EXO1: variants seen among roughly 807,000 people sequenced by gnomAD.
The protein encoded by EXO1 is exonuclease 1.
In EXO1, 69 loss-of-function variants were observed where a neutral mutation model predicts 84.5. The ratio of observed to expected loss-of-function variants is 0.82; its 90% CI spans 0.67 to 1.00. EXO1 has a LOEUF of 1.00. EXO1 is among the 50% of genes least tolerant of loss of function. EXO1 has a pLI of 0.00. For synonymous variants in EXO1, 373 were observed against 366.1 expected, an observed-to-expected ratio of 1.02 and a Z score of -0.21; for missense variants, 1,045 against 1,000.7, an observed-to-expected ratio of 1.04 and a Z score of -0.60.
At chr1:241,877,771 T>C (rs1331811945) in intron 12 of EXO1, among the ~76,000 whole-genome samples, 1 of 151,516 alleles carries the variant, frequency 6.6e-6, no homozygotes, top group Non-Finnish European at 1.5e-5. Flanking sequence ...TTTAGTAATA[T>C]GGAATTTATG....
intron 6 of EXO1, among the ~76,000 whole-genome samples, chr1:241,855,658 G>T (rs989773164): frequency 4.6e-5 from 7 of 152,230 alleles, no homozygotes; most frequent in South Asian, 4.1e-4. Context: ...AGGCTCGGGC[G>T]GCACAGGAGC....
chr1:241,859,349 C>T (rs1054248266), intron 8 of EXO1, among the ~76,000 whole-genome samples: 6 of 152,150 alleles, frequency 3.9e-5, no homozygotes, highest in Non-Finnish European at 8.8e-5. Flanking sequence ...CATCCCTAAT[C>T]CAAAAATCTG....
At chr1:241,873,871 C>T (rs1447745570) in intron 12 of EXO1, among the ~76,000 whole-genome samples, 1 of 152,042 alleles carries the variant, frequency 6.6e-6, no homozygotes, top group African/African-American at 2.4e-5. Flanking sequence ...AGGCAAAGAC[C>T]GGCACCAAGT....
chr1:241,860,260 G>A (rs1661304849), intron 8 of EXO1, among the ~76,000 whole-genome samples: 1 of 150,934 alleles, frequency 6.6e-6, no homozygotes, highest in Non-Finnish European at 1.5e-5. Flanking sequence ...ACACCTAGAA[G>A]CACAAACTTG....
At chr1:241,853,943 C>G (rs1407984893) in intron 6 of EXO1, among the ~76,000 whole-genome samples, 1 of 152,122 alleles carries the variant, frequency 6.6e-6, no homozygotes, top group African/African-American at 2.4e-5. Flanking sequence ...TTACTGTAAC[C>G]GGCACTCTTG....
chr1:241,854,130 G>T (rs933825620), intron 6 of EXO1, among the ~76,000 whole-genome samples: 1 of 151,980 alleles, frequency 6.6e-6, no homozygotes, highest in African/African-American at 2.4e-5. Context: ...AGGTGTTGTG[G>T]TTTTTTTGTT....
At position 241,860,570 on chromosome 1, in the gene EXO1, T is replaced by C. The variant is rs776390406; in HGVS notation, c.810T>C (p.Asp270=). 7 of 1,613,970 alleles carry C rather than the reference T, an allele frequency of 4.3e-6. No homozygotes were observed. The change falls in exon 9 of 16, where the codon GAT becomes GAC. Residue 270 remains aspartate, a synonymous_variant. Coordinates refer to ENST00000366548, the MANE Select transcript of EXO1 (RefSeq NM_130398.4). ...YLKMNITVPE[D]YINGFIRANN... is the part of the protein sequence containing the mutation. ...AGATGAATATCACGGTACCAGAGGA[T>C]TACATCAACGGGTTTATTCGGGCCA...
intron 6 of EXO1, among the ~76,000 whole-genome samples, chr1:241,856,979 G>T (rs528971190): frequency 2.2e-4 from 34 of 152,334 alleles, no homozygotes; most frequent in South Asian, 1.9e-3. Flanking sequence ...GGTCGAAGCT[G>T]CAGTGTGCCC....
chr1:241,888,261 TGTAAA>T (rs1001661832), intron 15 of EXO1, among the ~76,000 whole-genome samples: 10 of 152,106 alleles, frequency 6.6e-5, no homozygotes, highest in African/African-American at 2.4e-4. Context: ...TAAAAAAAAA[TGTAAA>T]GTATACCAAA....
At chr1:241,861,342 C>G (rs1315095613) in intron 9 of EXO1, 64 bp from the exon 10 acceptor site, 5 of 851,942 alleles carry the variant, frequency 5.9e-6, no homozygotes. Context: ...ATTTTTCCAT[C>G]TTAGTATAAT....
Position 241,875,694 on chromosome 1 carries a change from T to C in EXO1, c.1515-3055T>C, listed in dbSNP as rs377112920. Among the ~76,000 whole-genome samples the C allele has an allele frequency of 1.3e-3, 195 of 152,174 alleles. 1 individual carries two copies. The highest frequency in any genetic ancestry group is 0.01 in the Middle Eastern group (3 of 292). On this transcript the variant is annotated intron_variant, in intron 12 of 15. Coordinates refer to ENST00000366548, the MANE Select transcript of EXO1 (RefSeq NM_130398.4). ...GAGATCGAGACCATCCTGGCTAACA[T>C]GGTGAAACCCCATCTCTACTAAAAG...
Position 241,884,663 on chromosome 1 carries a change from GTGTGTGTGTGT to G in EXO1, c.2212-650_2212-640del, listed in dbSNP as rs1478442656. ...CTATGCTGCCTGTGTGTGTGTGTGTGTGTGTGTGTGTGTGCACGTGCACGTAAGTCAGTGGA... is the reference window on the plus strand; with the variant it reads ...CTATGCTGCCTGTGTGTGTGTGTGTGGTGCACGTGCACGTAAGTCAGTGGA... On this transcript the variant is annotated intron_variant, in intron 14 of 15. Coordinates refer to ENST00000366548, the MANE Select transcript of EXO1 (RefSeq NM_130398.4). 9.3e-4 allele frequency among the ~76,000 whole-genome samples: 13 copies of G among 14,030 alleles called. No individual in the cohort carries two copies. In the Admixed American group the frequency reaches 0.01, roughly 11 times the overall value. 9.2% of individuals were successfully genotyped at this position (14,030 alleles called of 152,430 possible). A position where few individuals can be genotyped will look rare whatever the true frequency, so the allele number is the denominator to read the frequency against.
At chr1:241,851,907 G>C (rs2148383530) in intron 4 of EXO1, among the ~76,000 whole-genome samples, 1 of 152,258 alleles carries the variant, frequency 6.6e-6, no homozygotes, top group African/African-American at 2.4e-5. Flanking sequence ...TGGTGTCGTT[G>C]GAAGAATCCA....
intron 10 of EXO1, among the ~76,000 whole-genome samples, chr1:241,862,362 C>T (rs769458686): frequency 6.6e-6 from 1 of 152,124 alleles, no homozygotes; most frequent in Non-Finnish European, 1.5e-5. Context: ...TACATTTCTT[C>T]CTTAGGTAAG....
intron 14 of EXO1, among the ~76,000 whole-genome samples, chr1:241,884,290 G>A (rs1164607341): frequency 6.6e-6 from 1 of 152,030 alleles, no homozygotes; most frequent in Non-Finnish European, 1.5e-5. Flanking sequence ...TCTTTACTGT[G>A]TGAACCTTTA....
intron 15 of EXO1, among the ~76,000 whole-genome samples, chr1:241,886,491 T>C (rs1405341532): frequency 6.6e-6 from 1 of 152,220 alleles, no homozygotes; most frequent in East Asian, 1.9e-4. Flanking sequence ...AATATTGTCA[T>C]AGATGAGGCG....
In EXO1 at chr1:241,889,595, C is replaced by A. The variant is rs766853371; in HGVS notation, c.2536C>A (p.Gln846Lys). Residue 846 changes from glutamine (Q) to lysine (K), a missense_variant, in exon 16 of 16, where the codon CAG becomes AAG. Transcript: ENST00000366548. Reference protein sequence around the residue: ...ECGRVQRAIFQ With the variant: ...ECGRVQRAIFK Reference sequence around the variant, plus strand: ...TGGCCGTGTTCAAAGAGCAATATTCCAGTAAATGCAGACTGCTGCAAAGCT... The same window carrying A: ...TGGCCGTGTTCAAAGAGCAATATTCAAGTAAATGCAGACTGCTGCAAAGCT... 30 of 1,613,950 alleles carry A rather than the reference C, an allele frequency of 1.9e-5. No individual in the cohort carries two copies. The highest frequency in any genetic ancestry group is 2.5e-5 in the Non-Finnish European group (30 of 1,179,910).
chr1:241,885,547 G>C, intron 15 of EXO1, 40 bp downstream of exon 15: 1 of 1,441,360 alleles, frequency 6.9e-7, no homozygotes, highest in Non-Finnish European at 9.8e-7. Context: ...AAGATAAACT[G>C]TTATTTTCTG....
intron 12 of EXO1, among the ~76,000 whole-genome samples, chr1:241,878,286 A>T (rs917353294): frequency 6.6e-6 from 1 of 152,156 alleles, no homozygotes; most frequent in Non-Finnish European, 1.5e-5. Flanking sequence ...ATCACCTGAG[A>T]TCAGGAGTTT....
Sources: gnomAD v4.1 joint callset for allele counts (sites outside exome capture counted in the v4.1 genomes callset) on GRCh38, gnomAD v4.1.1 for gene constraint, MANE v1.5 for transcripts, NCBI Gene and HGNC (gene_info 2026-07-23, HGNC 2026-07-21) for gene names.